RGS22: variants seen among roughly 807,000 people sequenced by gnomAD.
RGS22 encodes the protein regulator of G protein signaling 22.
RGS22 carries 148 observed loss-of-function variants against 172.9 expected under a neutral mutation model. The ratio of observed to expected loss-of-function variants is 0.86; its 90% CI spans 0.75 to 0.98. The LOEUF (loss-of-function observed/expected upper bound fraction) is 0.98. Among genes scored for constraint, RGS22 ranks in the 50% least tolerant of loss-of-function variants. RGS22 has a pLI of 0.00. For missense variants in RGS22, 1,347 were observed against 1,440.8 expected (o/e 0.93, Z 1.05); for synonymous variants, 458 against 480.2 (o/e 0.95, Z 0.60).
chr8:100,047,572 G>C lies in RGS22; in HGVS notation c.1714C>G (p.Pro572Ala). 6.2e-7 allele frequency: 1 copy of C among 1,609,064 alleles called. No homozygotes were observed. Among genetic ancestry groups the C allele is most frequent in the Non-Finnish European group, 8.5e-7 (1 of 1,178,540 alleles). ...GGTGATTTATTGGGAGATTTAGGAG[G>C]TTGTGATAAGCTGAATTCTTCTTTC... Reference protein sequence around the residue: ...IQKEEFSLSQPPKSPNKSPEV... With the variant: ...IQKEEFSLSQAPKSPNKSPEV... The change falls in exon 11 of 28, where the codon CCT becomes GCT. Residue 572 changes from proline to alanine, a missense_variant. Physicochemically the swap from Pro to Ala is conservative, Grantham distance 27 (BLOSUM62 -1). Transcript: ENST00000360863.
chr8:100,021,334 C>T (rs1817582045), intron 14 of RGS22, among the ~76,000 whole-genome samples: 1 of 152,114 alleles, frequency 6.6e-6, no homozygotes. Flanking sequence ...AACAGCTTTT[C>T]TTTAAAATTG....
intron 9 of RGS22, among the ~76,000 whole-genome samples, chr8:100,053,755 C>T (rs1359319286): frequency 6.6e-6 from 1 of 152,054 alleles, no homozygotes; most frequent in African/African-American, 2.4e-5. Flanking sequence ...CCTGCCTCAG[C>T]CTCCCAAGTA....
At chr8:99,963,343 A>G (rs184909967) in intron 24 of RGS22, among the ~76,000 whole-genome samples, 2 of 152,324 alleles carry the variant, frequency 1.3e-5, no homozygotes, top group Non-Finnish European at 2.9e-5. Flanking sequence ...TCAGTGAATC[A>G]ATGTCAACAA....
intron 1 of RGS22, 186 bp downstream of exon 1, chr8:100,105,711 C>CA: frequency 1.8e-6 from 1 of 562,518 alleles, no homozygotes; most frequent in South Asian, 2.3e-5. Flanking sequence ...AACGTGGTGC[C>CA]AGCATAAACC....
intron 4 of RGS22, among the ~76,000 whole-genome samples, chr8:100,073,072 C>T (rs1811102358): frequency 6.6e-6 from 1 of 152,150 alleles, no homozygotes; most frequent in South Asian, 2.1e-4. Flanking sequence ...ACTCTTGATT[C>T]TACTTTTTCT....
chr8:100,027,251 G>C (rs1232488923), intron 14 of RGS22, among the ~76,000 whole-genome samples: 1 of 151,998 alleles, frequency 6.6e-6, no homozygotes, highest in East Asian at 1.9e-4. Context: ...AAAAAAGAGA[G>C]AGACATTATT....
chr8:99,997,582 A>T (rs377242259), intron 19 of RGS22, among the ~76,000 whole-genome samples: 2 of 152,302 alleles, frequency 1.3e-5, no homozygotes, highest in East Asian at 3.9e-4. Flanking sequence ...TAGGCCACAA[A>T]GTGTTTGAGA....
chr8:100,018,807 G>GT (rs1554616393), intron 14 of RGS22, among the ~76,000 whole-genome samples: 1 of 152,134 alleles, frequency 6.6e-6, no homozygotes, highest in Non-Finnish European at 1.5e-5. Flanking sequence ...GAAATTGTGT[G>GT]TTTATAAGCA....
At chr8:100,044,002 G>A (rs1391550204) in intron 11 of RGS22, among the ~76,000 whole-genome samples, 1 of 152,106 alleles carries the variant, frequency 6.6e-6, no homozygotes, top group Non-Finnish European at 1.5e-5. Context: ...AATTCCTAGA[G>A]AGACACAAAT....
intron 14 of RGS22, among the ~76,000 whole-genome samples, chr8:100,033,946 G>A (rs1043688516): frequency 6.6e-5 from 10 of 152,084 alleles, no homozygotes; most frequent in African/African-American, 2.2e-4. Flanking sequence ...AATAAACTAG[G>A]TATTGATGGA....
chr8:100,082,944 T>G (rs967204570), intron 3 of RGS22, among the ~76,000 whole-genome samples: 7 of 152,154 alleles, frequency 4.6e-5, no homozygotes, highest in African/African-American at 1.7e-4. Context: ...TAGCCGTAGT[T>G]GGAATAGTTT....
At chr8:99,979,377 G>T (rs1409930372) in intron 22 of RGS22, among the ~76,000 whole-genome samples, 1 of 152,132 alleles carries the variant, frequency 6.6e-6, no homozygotes, top group Non-Finnish European at 1.5e-5. Flanking sequence ...TCTATTGTTA[G>T]AAGTTGCAAT....
intron 23 of RGS22, among the ~76,000 whole-genome samples, chr8:99,969,055 T>C (rs1811057818): frequency 6.6e-6 from 1 of 152,088 alleles, no homozygotes; most frequent in African/African-American, 2.4e-5. Context: ...AGAAACCCCA[T>C]AGGGTAAGCC....
rs111285438 is a variant in RGS22, at chr8:99,984,788, G to GACACACAC, written c.3180+2662_3180+2669dup. On this transcript the variant is annotated intron_variant, in intron 21 of 27. Transcript: ENST00000360863. Reference sequence around the variant, plus strand: ...TAAATAAATCCTTCCAGTCTTTACGGACACACACACACACACACACACACA... The same window carrying GACACACAC: ...TAAATAAATCCTTCCAGTCTTTACGGACACACACACACACACACACACACACACACACA... Among the ~76,000 whole-genome samples, 645 of 139,706 alleles carry GACACACAC rather than the reference G, an allele frequency of 4.6e-3. 3 individuals carry two copies. Among genetic ancestry groups the GACACACAC allele is most frequent in the East Asian group, 0.01 (48 of 4,764 alleles). 91.7% of individuals were successfully genotyped at this position (139,706 alleles called of 152,430 possible). A position where few individuals can be genotyped will look rare whatever the true frequency, so the allele number is the denominator to read the frequency against.
In RGS22 at chr8:100,065,739, T is replaced by A. The variant is rs545092032; in HGVS notation, c.724+428A>T. 3.1e-3 allele frequency among the ~76,000 whole-genome samples: 470 copies of A among 152,072 alleles called. 2 individuals are homozygous for A. The highest frequency in any genetic ancestry group is 0.011 in the African/African-American group (445 of 41,484). ...GGGAAACTCAATTTCCATCAATAAT[T>A]TTTTTTTAGGAAGGGAAAAATGTTG... On this transcript the variant is annotated intron_variant, in intron 7 of 27. Coordinates refer to ENST00000360863, the MANE Select transcript of RGS22 (RefSeq NM_015668.5).
At chr8:99,975,748 A>G (rs1028930306) in intron 23 of RGS22, among the ~76,000 whole-genome samples, 3 of 152,018 alleles carry the variant, frequency 2.0e-5, no homozygotes, top group African/African-American at 7.2e-5. Context: ...AGGTCTTGCT[A>G]TGTTGCCCAG....
chr8:100,019,841 A>C (rs1490005381), intron 14 of RGS22, among the ~76,000 whole-genome samples: 1 of 152,108 alleles, frequency 6.6e-6, no homozygotes, highest in Non-Finnish European at 1.5e-5. Context: ...GATGCTCACC[A>C]AGACAGTATA....
intron 23 of RGS22, among the ~76,000 whole-genome samples, chr8:99,975,082 G>A (rs1280006201): frequency 6.6e-6 from 1 of 151,962 alleles, no homozygotes; most frequent in Non-Finnish European, 1.5e-5. Context: ...GGAGGTGGAA[G>A]TTGCAGTGAG....
At chr8:99,995,403 C>G (rs1269484919) in intron 20 of RGS22, among the ~76,000 whole-genome samples, 1 of 152,094 alleles carries the variant, frequency 6.6e-6, no homozygotes, top group Admixed American at 6.6e-5. Flanking sequence ...CTACGAAGAG[C>G]TCAAACAAAT....
Sources: gnomAD v4.1 joint callset for allele counts (sites outside exome capture counted in the v4.1 genomes callset) on GRCh38, gnomAD v4.1.1 for gene constraint, MANE v1.5 for transcripts, NCBI Gene and HGNC (gene_info 2026-07-23, HGNC 2026-07-21) for gene names.